The following INPP5D variants were observed in gnomAD, a reference collection of about 807,000 sequenced individuals.
INPP5D encodes the protein inositol polyphosphate-5-phosphatase D, also known as phosphatidylinositol 3,4,5-trisphosphate 5-phosphatase 1.
Under a neutral mutation model 122.9 loss-of-function variants are expected in INPP5D, and 33 were observed. That is an observed-to-expected ratio of 0.27 (90% CI 0.20 to 0.36). INPP5D has a LOEUF of 0.36. Ranked by LOEUF, INPP5D falls within the 10% of genes least tolerant of loss-of-function variation. The pLI, the probability that INPP5D is intolerant of heterozygous loss-of-function variation, is 1.00. For missense variants in INPP5D, 1,053 were observed against 1,412.7 expected (o/e 0.75, Z 4.08); for synonymous variants, 584 against 576.2 (o/e 1.01, Z -0.19).
At chr2:233,152,739 T>C (rs1693951940) in intron 9 of INPP5D, among the ~76,000 whole-genome samples, 2 of 152,144 alleles carry the variant, frequency 1.3e-5, no homozygotes, top group African/African-American at 4.8e-5. Context: ...GTGAGACGGC[T>C]GGGCGGCCAG....
intron 17 of INPP5D, among the ~76,000 whole-genome samples, chr2:233,176,416 T>G (rs1309723688): frequency 1.0e-4 from 6 of 57,582 alleles, no homozygotes; most frequent in Admixed American, 1.9e-4. Context: ...TAGATGGATG[T>G]GTGGGTGGGT....
chr2:233,180,621 C>T (rs528978037), intron 18 of INPP5D, among the ~76,000 whole-genome samples: 7 of 152,364 alleles, frequency 4.6e-5, no homozygotes, highest in East Asian at 1.9e-4. Flanking sequence ...CTCACTGCAA[C>T]GTCAGCCTCC....
chr2:233,169,817 C>A, intron 14 of INPP5D: 1 of 823,252 alleles, frequency 1.2e-6, no homozygotes, highest in Non-Finnish European at 1.9e-6. Flanking sequence ...CCTCTGTACA[C>A]CCAATGTGGC....
At chr2:233,148,554 G>T (rs1327986762) in intron 9 of INPP5D, among the ~76,000 whole-genome samples, 1 of 152,198 alleles carries the variant, frequency 6.6e-6, no homozygotes, top group Non-Finnish European at 1.5e-5. Flanking sequence ...GCCAGGCAGG[G>T]TGTCAGGAGG....
rs537400929 is a variant in INPP5D, at chr2:233,156,417, G to A, written c.1031-1896G>A. On this transcript the variant is annotated intron_variant, in intron 9 of 26. Transcript: ENST00000445964. Reference sequence around the variant, plus strand: ...CAATTCTCCTGCCTCAGCCTCCTGAGTGGCTGGGACTACAGGTGCCCGCCA... The same window carrying A: ...CAATTCTCCTGCCTCAGCCTCCTGAATGGCTGGGACTACAGGTGCCCGCCA... Among the ~76,000 whole-genome samples the A allele has an allele frequency of 8.7e-4, 132 of 152,324 alleles. 1 individual carries two copies. The highest frequency in any genetic ancestry group is 3.0e-3 in the African/African-American group (125 of 41,578).
Position 233,198,285 on chromosome 2 carries a change from C to T in INPP5D, c.2884C>T (p.Pro962Ser), listed in dbSNP as rs1695236540. ...PLGPCRGESP[P>S]TPPGQPPISP... Reference sequence around the variant, plus strand: ...GGGGCCCTGCAGGGGAGAAAGTCCTCCGACACCTCCCGGCCAGCCGCCCAT... The same window carrying T: ...GGGGCCCTGCAGGGGAGAAAGTCCTTCGACACCTCCCGGCCAGCCGCCCAT... The change falls in exon 25 of 27, where the codon CCG becomes TCG. Residue 962 changes from proline (P) to serine (S), a missense_variant. Physicochemically the swap from Pro to Ser is moderately conservative, Grantham distance 74. This residue lies in a region of INPP5D where 417 missense variants were observed against 425.8 expected (regional missense o/e 0.98). Transcript: ENST00000445964. 1.2e-6 allele frequency: 2 copies of T among 1,613,328 alleles called. No individual in the cohort carries two copies. The highest frequency in any genetic ancestry group is 1.6e-4 in the Middle Eastern group (1 of 6,078).
At chr2:233,084,116 G>A (rs955298011) in intron 2 of INPP5D, among the ~76,000 whole-genome samples, 105 of 152,246 alleles carry the variant, frequency 6.9e-4, no homozygotes, top group African/African-American at 2.2e-3. Flanking sequence ...GTGCAGTGGC[G>A]CGACCTCGGC....
chr2:233,187,814 G>A (rs930047929), intron 21 of INPP5D, among the ~76,000 whole-genome samples: 5 of 152,292 alleles, frequency 3.3e-5, no homozygotes, highest in South Asian at 2.1e-4. Context: ...GCCCAAGCCC[G>A]TCCTCCTGCT....
Position 233,195,515 on chromosome 2 carries a change from G to C in INPP5D, c.2693+20G>C, listed in dbSNP as rs1339576222. The C allele has an allele frequency of 1.9e-6, 3 of 1,612,858 alleles. No homozygotes were observed. Among genetic ancestry groups the C allele is most frequent in the African/African-American group, 2.7e-5 (2 of 74,908 alleles). ...TAGCAGGTAAAGTGGGCGTGGGGTG[G>C]GTGTTGGGGGGGGTGGATATCAGGG... On this transcript the variant is annotated intron_variant, in intron 24 of 26. Coordinates refer to ENST00000445964, the MANE Select transcript of INPP5D (RefSeq NM_001017915.3).
chr2:233,101,861 T>C (rs1229165853), intron 2 of INPP5D, among the ~76,000 whole-genome samples: 2 of 151,630 alleles, frequency 1.3e-5, no homozygotes, highest in African/African-American at 4.8e-5. Flanking sequence ...AGGATGTTTT[T>C]TCTACCTGCC....
In INPP5D at chr2:233,154,697, C is replaced by A. The variant is rs555870380; in HGVS notation, c.1031-3616C>A. Among the ~76,000 whole-genome samples the A allele has an allele frequency of 2.6e-5, 4 of 152,298 alleles. No individual in the cohort carries two copies. In the East Asian group the frequency reaches 7.7e-4, roughly 29 times the overall value. On this transcript the variant is annotated intron_variant, in intron 9 of 26. Coordinates refer to ENST00000445964, the MANE Select transcript of INPP5D (RefSeq NM_001017915.3). ...GAGTCCTGAAGACCTTCCTTTGGAGCCTCAGTAAATTTACTTCATCTAAAT... is the reference window on the plus strand; with the variant it reads ...GAGTCCTGAAGACCTTCCTTTGGAGACTCAGTAAATTTACTTCATCTAAAT...
Position 233,105,084 on chromosome 2 carries a change from G to A in INPP5D, c.199-17023G>A, listed in dbSNP as rs915045686. 6.6e-6 allele frequency among the ~76,000 whole-genome samples: 1 copy of A among 152,156 alleles called. No individual in the cohort carries two copies. The highest frequency in any genetic ancestry group is 1.5e-5 in the Non-Finnish European group (1 of 68,028). On this transcript the variant is annotated intron_variant, in intron 2 of 26. Coordinates refer to ENST00000445964, the MANE Select transcript of INPP5D (RefSeq NM_001017915.3). This position sits in a 1 kb window ranked among gnomAD's most constrained non-coding sequence, Gnocchi z 4.0. Reference sequence around the variant, plus strand: ...TAGGGATAGGGAATGTGGACCTCCCGGGTTTCTCCTGGATTTCCCCATAGG... The same window carrying A: ...TAGGGATAGGGAATGTGGACCTCCCAGGTTTCTCCTGGATTTCCCCATAGG...
chr2:233,097,730 A>G (rs932220478), intron 2 of INPP5D, among the ~76,000 whole-genome samples: 3 of 152,122 alleles, frequency 2.0e-5, no homozygotes, highest in African/African-American at 7.2e-5. Flanking sequence ...TGGCTTCCCT[A>G]GGTAAATGAT....
chr2:233,118,670 C>T (rs1014822268), intron 2 of INPP5D, among the ~76,000 whole-genome samples: 1 of 152,262 alleles, frequency 6.6e-6, no homozygotes, highest in Non-Finnish European at 1.5e-5. Flanking sequence ...GGGCCCACTG[C>T]ACACAGCAGG....
chr2:233,125,430 T>A (rs1311764504), intron 3 of INPP5D, among the ~76,000 whole-genome samples: 1 of 152,212 alleles, frequency 6.6e-6, no homozygotes, highest in African/African-American at 2.4e-5. Context: ...GCCAGACTCA[T>A]CCTGCTCACC....
At chr2:233,168,812 C>T (rs1694413797) in intron 13 of INPP5D, 2 of 153,762 alleles carry the variant, frequency 1.3e-5, no homozygotes, top group Admixed American at 1.3e-4. Context: ...ATCTGCCCTT[C>T]CATGAAGTTC....
rs1294514283 is a variant in INPP5D, at chr2:233,188,056, ACTC to A, written c.2359-1788_2359-1786del. On this transcript the variant is annotated intron_variant, in intron 21 of 26. Transcript: ENST00000445964. The surrounding 1 kb of genome is among the most constrained non-coding windows in gnomAD (Gnocchi z 4.7). ...CCCCCTGCCCCCTCCCAGGGGGTCC[ACTC>A]CTCCTGTCTCCTGCCTCTTGCTGAG... Among the ~76,000 whole-genome samples, 1 of 149,700 alleles carries A rather than the reference ACTC, an allele frequency of 6.7e-6. No homozygotes were observed. The highest frequency in any genetic ancestry group is 1.5e-5 in the Non-Finnish European group (1 of 67,286).
At chr2:233,204,838 A>ATGTG (rs199979091) in intron 26 of INPP5D, 121 bp downstream of exon 26, 428 of 1,379,148 alleles carry the variant, frequency 3.1e-4, no homozygotes, top group Non-Finnish European at 3.7e-4. Context: ...ATGTGCGTGC[A>ATGTG]TGTGTGAACG....
intron 2 of INPP5D, among the ~76,000 whole-genome samples, chr2:233,116,248 G>GATATAGATATAGATATAGATATAGAT (rs138434323): frequency 1.3e-4 from 18 of 135,194 alleles, no homozygotes; most frequent in African/African-American, 5.3e-4. Flanking sequence ...TAGATAGATA[G>GATATAGATATAGATATAGATATAGAT]ATAGATATAG....
Sources: allele counts gnomAD v4.1 joint callset (sites outside exome capture counted in the v4.1 genomes callset), GRCh38; gene constraint gnomAD v4.1.1; regional missense constraint gnomAD v4.1.1; non-coding constraint Gnocchi (gnomAD v3.1); transcripts MANE v1.5; gene names NCBI Gene and HGNC (gene_info 2026-07-23, HGNC 2026-07-21).